Variants in STRN3 observed in about 807,000 individuals in gnomAD.
STRN3 encodes striatin 3.
A neutral mutation model predicts 95.6 loss-of-function variants in STRN3; 29 were observed. The observed-to-expected ratio is 0.30, with a 90% CI of 0.23 to 0.41. The LOEUF (loss-of-function observed/expected upper bound fraction) is 0.41. Among genes scored for constraint, STRN3 ranks in the 10% least tolerant of loss-of-function variants. The pLI is 1.00. For missense variants in STRN3, 890 were observed against 972.1 expected (o/e 0.92, Z 1.12); for synonymous variants, 331 against 357.6 (o/e 0.93, Z 0.84).
At chr14:31,015,034 G>T (rs894694823) in intron 1 of STRN3, among the ~76,000 whole-genome samples, 2 of 152,146 alleles carry the variant, frequency 1.3e-5, no homozygotes, top group Non-Finnish European at 2.9e-5. Context: ...TCACCATGTT[G>T]GCCAGACTGG....
chr14:30,955,829 T>C (rs888747583), intron 2 of STRN3, 136 bp from the exon 3 acceptor site: 18 of 733,040 alleles, frequency 2.5e-5, no homozygotes, highest in Non-Finnish European at 3.7e-5. Flanking sequence ...TTGAAGACTA[T>C]ATTGCTGTAA....
chr14:30,978,872 A>C (rs1006539344), intron 1 of STRN3, among the ~76,000 whole-genome samples: 3 of 151,876 alleles, frequency 2.0e-5, no homozygotes, highest in Admixed American at 2.0e-4. Flanking sequence ...GTCTCTACTA[A>C]AAAATACAAA....
At chr14:30,956,352 G>T in intron 1 of STRN3, 110 bp from the exon 2 acceptor site, 2 of 1,028,054 alleles carry the variant, frequency 1.9e-6, no homozygotes, top group South Asian at 2.9e-5. Context: ...ATGATATCAA[G>T]ATTTTAAATT....
intron 1 of STRN3, among the ~76,000 whole-genome samples, chr14:30,996,728 T>C (rs1594559047): frequency 6.6e-6 from 1 of 152,112 alleles, no homozygotes; most frequent in East Asian, 1.9e-4. Flanking sequence ...TAGCTGGGTG[T>C]GGTGGTGTGC....
intron 16 of STRN3, among the ~76,000 whole-genome samples, chr14:30,897,372 G>A (rs1896186295): frequency 6.6e-6 from 1 of 152,098 alleles, no homozygotes; most frequent in Non-Finnish European, 1.5e-5. Context: ...ATCACCTGAG[G>A]GCAGGAGTTC....
intron 1 of STRN3, among the ~76,000 whole-genome samples, chr14:30,990,594 C>A (rs1032533273): frequency 3.9e-5 from 6 of 152,140 alleles, no homozygotes; most frequent in Non-Finnish European, 7.4e-5. Flanking sequence ...GTGACCATGA[C>A]TTGTCTCCCT....
At chr14:30,913,398 T>G (rs1387495946) in intron 10 of STRN3, 126 bp downstream of exon 10, 2 of 1,085,312 alleles carry the variant, frequency 1.8e-6, no homozygotes, top group Non-Finnish European at 2.5e-6. Context: ...TCACTTCAAA[T>G]CAACACATTG....
In STRN3 at chr14:30,905,506, C is replaced by A; in HGVS notation, c.1941G>T (p.Met647Ile). 6.2e-7 allele frequency: 1 copy of A among 1,608,998 alleles called. No individual in the cohort carries two copies. The highest frequency in any genetic ancestry group is 1.1e-5 in the South Asian group (1 of 89,394). The change falls in exon 15 of 18, where the codon ATG (methionine) becomes ATT (isoleucine). Residue 647 changes from methionine (M) to isoleucine (I), a missense_variant. Coordinates refer to ENST00000357479, the MANE Select transcript of STRN3 (RefSeq NM_001083893.2). The stretch of plus-strand genomic sequence containing the variant: ...CACTACCAGTGTTGAAAGAGGTTAC[C>A]ATATGAGCTGGATCACAGCCTATAA... ...VDFIGCDPAH[M>I]VTSFNTGSAV...
intron 13 of STRN3, among the ~76,000 whole-genome samples, chr14:30,908,692 C>T (rs1419366372): frequency 1.3e-5 from 2 of 152,188 alleles, no homozygotes; most frequent in South Asian, 2.1e-4. Context: ...TCCTGCACTT[C>T]CTTCTGTCTC....
intron 1 of STRN3, chr14:31,025,438 T>A (rs934803743): frequency 3.1e-4 from 44 of 143,342 alleles, no homozygotes; most frequent in African/African-American, 1.3e-3. Context: ...GGGGGCCAGA[T>A]ACGCCAAATC....
intron 4 of STRN3, among the ~76,000 whole-genome samples, chr14:30,949,816 T>C (rs1879552517): frequency 1.3e-5 from 2 of 152,134 alleles, no homozygotes; most frequent in Admixed American, 6.5e-5. Flanking sequence ...GGTAAAAGTT[T>C]AGAATATCCA....
chr14:31,019,213 TGGGAGGA>T (rs2139349015), intron 1 of STRN3, among the ~76,000 whole-genome samples: 1 of 152,182 alleles, frequency 6.6e-6, no homozygotes, highest in African/African-American at 2.4e-5. Flanking sequence ...GAGGCTGAAG[TGGGAGGA>T]CTATTTGAAC....
intron 6 of STRN3, 142 bp from the exon 7 acceptor site, chr14:30,935,446 T>C: frequency 1.2e-6 from 1 of 846,774 alleles, no homozygotes; most frequent in South Asian, 1.9e-5. Context: ...AATTCACAAA[T>C]CCCAAATTAT....
At chr14:30,950,535 C>T (rs936772596) in intron 4 of STRN3, among the ~76,000 whole-genome samples, 3 of 152,084 alleles carry the variant, frequency 2.0e-5, no homozygotes, top group African/African-American at 7.2e-5. Context: ...TTCTCTAGAC[C>T]GGTCACACCC....
At chr14:30,968,755 G>T (rs530847727) in intron 1 of STRN3, among the ~76,000 whole-genome samples, 1 of 150,366 alleles carries the variant, frequency 6.7e-6, no homozygotes, top group African/African-American at 2.5e-5. Flanking sequence ...AAGTTGTGGA[G>T]AAAAAAAAGG....
intron 4 of STRN3, among the ~76,000 whole-genome samples, chr14:30,949,858 G>A (rs1390225198): frequency 1.3e-5 from 2 of 152,048 alleles, no homozygotes; most frequent in African/African-American, 4.8e-5. Context: ...GGTGGCCAAG[G>A]GTTATGAAAA....
chr14:30,917,479 T>G (rs891284486), intron 9 of STRN3, among the ~76,000 whole-genome samples: 5 of 152,040 alleles, frequency 3.3e-5, no homozygotes, highest in Non-Finnish European at 7.4e-5. Context: ...TTACAAAAAT[T>G]TTAGCAAGTT....
At chr14:30,903,286 C>CTAT (rs1334910567) in intron 15 of STRN3, among the ~76,000 whole-genome samples, 1 of 151,550 alleles carries the variant, frequency 6.6e-6, no homozygotes, top group East Asian at 1.9e-4. Flanking sequence ...ATATAGTTAC[C>CTAT]TATGTAGAGT....
chr14:30,902,846 T>A (rs563766782), intron 15 of STRN3, among the ~76,000 whole-genome samples: 2 of 152,310 alleles, frequency 1.3e-5, no homozygotes, highest in East Asian at 3.8e-4. Context: ...TAATATAGAC[T>A]GTACTAGGCT....
Sources: allele counts gnomAD v4.1 joint callset (sites outside exome capture counted in the v4.1 genomes callset), GRCh38; gene constraint gnomAD v4.1.1; transcripts MANE v1.5; gene names NCBI Gene and HGNC (gene_info 2026-07-23, HGNC 2026-07-21).